The following ANKRD27 variants were observed in gnomAD, a reference collection of about 807,000 sequenced individuals.
The protein encoded by ANKRD27 is ankyrin repeat domain 27.
ANKRD27 carries 112 observed loss-of-function variants against 129.7 expected under a neutral mutation model. The observed-to-expected ratio is 0.86, with a 90% CI of 0.74 to 1.01. The LOEUF is 1.01. Ranked by LOEUF, ANKRD27 falls within the 50% of genes least tolerant of loss-of-function variation. The pLI, the probability that ANKRD27 is intolerant of heterozygous loss-of-function variation, is 0.00. For missense variants in ANKRD27, 1,258 were observed against 1,300.5 expected, an observed-to-expected ratio of 0.97 and a Z score of 0.50; for synonymous variants, 516 against 511.2, an observed-to-expected ratio of 1.01 and a Z score of -0.13.
rs1971950212 is a variant in ANKRD27 at position 32,618,133 on chromosome 19, CCCA to C, written c.2008-503_2008-501del. On this transcript the variant is annotated intron_variant, in intron 20 of 28. Coordinates refer to ENST00000306065, the MANE Select transcript of ANKRD27 (RefSeq NM_032139.3). ...TAGGAAGTTGCTGGTGTGCGCAGAA[CCCA>C]CTGCCATTTAGGGAATAATAAACTG... Among the ~76,000 whole-genome samples, 3 of 125,794 alleles carry C rather than the reference CCCA, an allele frequency of 2.4e-5. No individual in the cohort carries two copies. The South Asian group carries it at 7.7e-4, about 32-fold the overall frequency. 82.5% of individuals were successfully genotyped at this position (125,794 alleles called of 152,430 possible). A position where few individuals can be genotyped will look rare whatever the true frequency, so the allele number is the denominator to read the frequency against.
chr19:32,674,899 G>T (rs1280879547), intron 1 of ANKRD27, among the ~76,000 whole-genome samples, 172 bp downstream of exon 1: 2 of 151,960 alleles, frequency 1.3e-5, no homozygotes, highest in Admixed American at 1.3e-4. Flanking sequence ...CCCACCTGGG[G>T]ACGCGGGGGC....
chr19:32,663,308 C>T (rs1599775545), intron 1 of ANKRD27, among the ~76,000 whole-genome samples: 2 of 152,296 alleles, frequency 1.3e-5, no homozygotes, highest in Admixed American at 6.5e-5. Context: ...GAACCACCCA[C>T]CCAACTCACA....
At position 32,663,956 on chromosome 19, in the gene ANKRD27, T is replaced by C. The variant is rs912935504; in HGVS notation, c.-30-4911A>G. Among the ~76,000 whole-genome samples, 7 of 145,172 alleles carry C rather than the reference T, an allele frequency of 4.8e-5. No individual in the cohort carries two copies. The East Asian group carries it at 1.4e-3, about 30-fold the overall frequency. On this transcript the variant is annotated intron_variant, in intron 1 of 28. Coordinates refer to ENST00000306065, the MANE Select transcript of ANKRD27 (RefSeq NM_032139.3). ...CTGTAGTCCCAGCTACTTGGGAGGC[T>C]GAGGCAGGAGAATGGCGTGAACCCA...
Position 32,654,104 on chromosome 19 carries a change from G to A in ANKRD27, c.103-4312C>T, listed in dbSNP as rs1185039832. Among the ~76,000 whole-genome samples, 4 of 152,158 alleles carry A rather than the reference G, an allele frequency of 2.6e-5. No individual in the cohort carries two copies. The East Asian group carries it at 5.8e-4, about 22-fold the overall frequency. ...TTTAGTAGAGATAGGGTTTCACTATGTTGGCCAGACTGGTCTCAAACTCCT... is the reference window on the plus strand; with the variant it reads ...TTTAGTAGAGATAGGGTTTCACTATATTGGCCAGACTGGTCTCAAACTCCT... On this transcript the variant is annotated intron_variant, in intron 2 of 28. Coordinates refer to ENST00000306065, the MANE Select transcript of ANKRD27 (RefSeq NM_032139.3).
chr19:32,643,185 G>A lies in ANKRD27; in HGVS notation c.720C>T (p.Asn240=), dbSNP rs141821241. ...GATCTTGAAGGCTTCTTGTGATTTT[G>A]TTAAAGGCCGCATCCTAACAACAGA... ...TMEASEDAAF[N]KITRSLQDLQ... Residue 240 remains asparagine, a synonymous_variant, in exon 9 of 29, where the codon AAC becomes AAT. Coordinates refer to ENST00000306065, the MANE Select transcript of ANKRD27 (RefSeq NM_032139.3). The A allele has an allele frequency of 3.2e-5, 52 of 1,613,926 alleles. 2 individuals carry two copies. The South Asian group carries it at 4.5e-4, about 14-fold the overall frequency.
intron 22 of ANKRD27, chr19:32,608,450 T>G (rs1971783916): frequency 3.1e-6 from 1 of 323,278 alleles, no homozygotes; most frequent in Non-Finnish European, 6.2e-6. Flanking sequence ...GAAACAGTGA[T>G]TCTTGGGTTT....
intron 12 of ANKRD27, chr19:32,637,582 T>G (rs1549160): frequency 0.71 from 107,594 of 152,360 alleles, 38,658 homozygotes; most frequent in African/African-American, 0.84. Context: ...CGCGGCCAGG[T>G]TTGTGCACTC....
intron 25 of ANKRD27, among the ~76,000 whole-genome samples, chr19:32,602,638 A>T (rs1010578946): frequency 2.6e-5 from 4 of 152,026 alleles, no homozygotes; most frequent in African/African-American, 9.7e-5. Flanking sequence ...CACGCCTGTA[A>T]TCTCAGCACT....
intron 1 of ANKRD27, among the ~76,000 whole-genome samples, chr19:32,662,567 T>C (rs542883461): frequency 6.6e-6 from 1 of 151,932 alleles, no homozygotes; most frequent in African/African-American, 2.4e-5. Flanking sequence ...CAAGACCTTG[T>C]CTCTACAAAT....
At chr19:32,664,672 A>T (rs1332781811) in intron 1 of ANKRD27, among the ~76,000 whole-genome samples, 2 of 140,974 alleles carry the variant, frequency 1.4e-5, no homozygotes, top group Non-Finnish European at 3.1e-5. Flanking sequence ...AAAGTTCTTC[A>T]TGATGGCCGG....
At chr19:32,634,931 T>C (rs562888543) in intron 12 of ANKRD27, among the ~76,000 whole-genome samples, 1 of 152,086 alleles carries the variant, frequency 6.6e-6, no homozygotes, top group Non-Finnish European at 1.5e-5. Context: ...AAAGAAAGAC[T>C]GGACTCAAAC....
At position 32,604,327 on chromosome 19, in the gene ANKRD27, A is replaced by C. The variant is rs1350049701; in HGVS notation, c.2591T>G (p.Leu864Arg). ...KHVFVVELLL[L>R]HGASVQVLNK... ...CAGCACCTGAACTGACGCTCCGTGG[A>C]GCAGAAGCAGCTCTACCACGAAGAC... Residue 864 changes from leucine (L) to arginine (R), a missense_variant, in exon 25 of 29, where the codon CTC becomes CGC. Leu to Arg is a moderately radical substitution (Grantham distance 102). Transcript: ENST00000306065. 6.2e-7 allele frequency: 1 copy of C among 1,614,042 alleles called. No individual in the cohort carries two copies.
chr19:32,628,231 G>C, intron 14 of ANKRD27, 66 bp from the exon 15 acceptor site: 1 of 1,375,958 alleles, frequency 7.3e-7, no homozygotes, highest in Non-Finnish European at 1.0e-6. Flanking sequence ...TCCCTGACCA[G>C]GTAGATAGGC....
intron 15 of ANKRD27, among the ~76,000 whole-genome samples, chr19:32,627,513 C>A (rs1248795378): frequency 2.0e-5 from 3 of 151,884 alleles, no homozygotes; most frequent in Admixed American, 1.3e-4. Flanking sequence ...ATTCTTCTGA[C>A]TCAGCCTCCC....
At chr19:32,615,914 C>T (rs767203682) in intron 21 of ANKRD27, 134 bp from the exon 22 acceptor site, 34 of 1,242,632 alleles carry the variant, frequency 2.7e-5, no homozygotes, top group Non-Finnish European at 3.3e-5. Flanking sequence ...CATTTATAAC[C>T]GGCTTCTGCT....
At chr19:32,604,989 T>G (rs1257182728) in intron 24 of ANKRD27, among the ~76,000 whole-genome samples, 1 of 152,194 alleles carries the variant, frequency 6.6e-6, no homozygotes, top group Non-Finnish European at 1.5e-5. Context: ...GGAGAATCGC[T>G]TGAACCCCGG....
At chr19:32,613,897 A>G (rs1971871943) in intron 22 of ANKRD27, among the ~76,000 whole-genome samples, 2 of 152,072 alleles carry the variant, frequency 1.3e-5, no homozygotes, top group South Asian at 2.1e-4. Flanking sequence ...TTTAGTAGAG[A>G]CGGGGTTTCA....
At chr19:32,656,012 T>C (rs1243661207) in intron 2 of ANKRD27, among the ~76,000 whole-genome samples, 1 of 124,898 alleles carries the variant, frequency 8.0e-6, no homozygotes, top group East Asian at 2.2e-4. Context: ...AGTGAGACTC[T>C]GTTTCAAAAA....
chr19:32,670,666 T>C (rs968661120), intron 1 of ANKRD27, among the ~76,000 whole-genome samples: 2 of 150,960 alleles, frequency 1.3e-5, no homozygotes, highest in East Asian at 2.0e-4. Flanking sequence ...AGAGGGGGAC[T>C]CTGTCTCAAT....
Sources: gnomAD v4.1 joint callset for allele counts (sites outside exome capture counted in the v4.1 genomes callset) on GRCh38, gnomAD v4.1.1 for gene constraint, MANE v1.5 for transcripts, NCBI Gene and HGNC (gene_info 2026-07-23, HGNC 2026-07-21) for gene names.